TPCN1: variants seen among roughly 807,000 people sequenced by gnomAD.
TPCN1 encodes the protein two pore segment channel 1, also known as two pore channel protein 1.
A neutral mutation model predicts 108.8 loss-of-function variants in TPCN1; 52 were observed. The observed-to-expected ratio is 0.48, with a 90% CI of 0.38 to 0.60. TPCN1 has a LOEUF of 0.60. TPCN1 is among the 20% of genes least tolerant of loss of function. The pLI, the probability that TPCN1 is intolerant of heterozygous loss-of-function variation, is 0.00. For missense variants in TPCN1, 806 were observed against 1,072.8 expected (o/e 0.75, Z 3.47); for synonymous variants, 446 against 433.7 (o/e 1.03, Z -0.35).
chr12:113,245,763 G>A (rs1954355638), intron 2 of TPCN1: 1 of 351,646 alleles, frequency 2.8e-6, no homozygotes. Flanking sequence ...AGGCCCCAGT[G>A]GTTTACGCAG....
intron 27 of TPCN1, chr12:113,294,371 A>T (rs1956362461): frequency 6.6e-6 from 1 of 152,176 alleles, no homozygotes; most frequent in Non-Finnish European, 1.5e-5. Context: ...TCATGCCTGT[A>T]ATCCCAGCAC....
intron 10 of TPCN1, among the ~76,000 whole-genome samples, chr12:113,274,204 G>A (rs967861652): frequency 6.6e-6 from 1 of 152,184 alleles, no homozygotes; most frequent in African/African-American, 2.4e-5. Context: ...TGTAATCCCA[G>A]CATTTTGGGA....
intron 19 of TPCN1, among the ~76,000 whole-genome samples, chr12:113,287,775 C>T (rs994572381): frequency 6.6e-6 from 1 of 152,062 alleles, no homozygotes; most frequent in African/African-American, 2.4e-5. Flanking sequence ...CTCCGTCCCG[C>T]CCCCTGCCAC....
At chr12:113,274,025 CCA>C (rs1323752402) in intron 10 of TPCN1, among the ~76,000 whole-genome samples, 6 of 152,184 alleles carry the variant, frequency 3.9e-5, no homozygotes, top group African/African-American at 1.4e-4. Flanking sequence ...GTACAAAGAT[CCA>C]CAGATGTTCA....
At chr12:113,293,969 C>A (rs2136782589) in intron 27 of TPCN1, 1 of 153,154 alleles carries the variant, frequency 6.5e-6, no homozygotes, top group East Asian at 1.9e-4. Flanking sequence ...TCCCGAGTAG[C>A]TGGGATTACA....
intron 2 of TPCN1, among the ~76,000 whole-genome samples, chr12:113,244,902 G>A (rs959812589): frequency 6.6e-5 from 10 of 152,228 alleles, no homozygotes; most frequent in South Asian, 2.1e-4. Context: ...GTTCTGTTTC[G>A]TCTCACAGAG....
In TPCN1 at chr12:113,288,222, C is replaced by T. The variant is rs780943356; in HGVS notation, c.1694C>T (p.Pro565Leu). 1.2e-6 allele frequency: 2 copies of T among 1,613,874 alleles called. No homozygotes were observed. Among genetic ancestry groups the T allele is most frequent in the African/African-American group, 1.3e-5 (1 of 75,058 alleles). ...NVLDTMFELL[P>L]RMASLGLTLL... ...CTGGACACCATGTTCGAGCTGCTGC[C>T]CCGGATGGCCAGGTACTGCCAGCCC... Residue 565 changes from proline (P) to leucine (L), a missense_variant, in exon 20 of 28, where the codon CCC becomes CTC. By Grantham distance (98) the Pro-to-Leu change is moderately conservative. Coordinates refer to ENST00000335509, the MANE Select transcript of TPCN1 (RefSeq NM_017901.6). The surrounding 1 kb of genome is among the most constrained non-coding windows in gnomAD (Gnocchi z 4.8).
At chr12:113,251,723 A>C (rs1272593799) in intron 2 of TPCN1, among the ~76,000 whole-genome samples, 1 of 152,226 alleles carries the variant, frequency 6.6e-6, no homozygotes, top group Non-Finnish European at 1.5e-5. Flanking sequence ...AGGGAGAGGG[A>C]TGTAGCAGCA....
At chr12:113,235,689 G>C (rs1029136011) in intron 2 of TPCN1, among the ~76,000 whole-genome samples, 6 of 152,152 alleles carry the variant, frequency 3.9e-5, no homozygotes, top group Non-Finnish European at 7.3e-5. Flanking sequence ...TGGTCTGGTT[G>C]GCAGTGAGAT....
At chr12:113,270,525 G>A (rs1377319138) in intron 7 of TPCN1, among the ~76,000 whole-genome samples, 1 of 151,154 alleles carries the variant, frequency 6.6e-6, no homozygotes, top group Non-Finnish European at 1.5e-5. Flanking sequence ...CTGTCACCCA[G>A]GCTGGAGTGC....
intron 3 of TPCN1, among the ~76,000 whole-genome samples, chr12:113,262,630 C>T (rs113202887): frequency 4.6e-5 from 7 of 152,178 alleles, no homozygotes; most frequent in African/African-American, 9.6e-5. Flanking sequence ...TCTCTGAGGC[C>T]GGATAAGAGC....
At chr12:113,238,224 A>G (rs1010420326) in intron 2 of TPCN1, among the ~76,000 whole-genome samples, 1 of 152,204 alleles carries the variant, frequency 6.6e-6, no homozygotes, top group African/African-American at 2.4e-5. Context: ...TGGATGACAA[A>G]TTATTAAAAA....
At position 113,272,556 on chromosome 12, in the gene TPCN1, A is replaced by C. The variant is rs878900932; in HGVS notation, c.749-102A>C. The C allele has an allele frequency of 1.9e-6, 2 of 1,076,476 alleles. No individual in the cohort carries two copies. The highest frequency in any genetic ancestry group is 3.1e-5 in the African/African-American group (2 of 64,082). 66.7% of individuals were successfully genotyped at this position (1,076,476 alleles called of 1,614,324 possible). ...CCAGCAGTCCCTGCTGCTCTTCCTGACCTGCTGCGTTCATTTGCATGTATT... is the reference window on the plus strand; with the variant it reads ...CCAGCAGTCCCTGCTGCTCTTCCTGCCCTGCTGCGTTCATTTGCATGTATT... On this transcript the variant is annotated intron_variant, in intron 7 of 27. Coordinates refer to ENST00000335509, the MANE Select transcript of TPCN1 (RefSeq NM_017901.6). The surrounding 1 kb of genome is among the most constrained non-coding windows in gnomAD (Gnocchi z 4.1).
At chr12:113,248,829 C>T (rs1323086974) in intron 2 of TPCN1, among the ~76,000 whole-genome samples, 7 of 152,162 alleles carry the variant, frequency 4.6e-5, no homozygotes, top group Non-Finnish European at 8.8e-5. Flanking sequence ...AACACACACA[C>T]GCACACACAC....
At chr12:113,294,617 ACT>A (rs1280073004) in intron 27 of TPCN1, among the ~76,000 whole-genome samples, 2 of 140,664 alleles carry the variant, frequency 1.4e-5, no homozygotes, top group Non-Finnish European at 1.5e-5. Context: ...ACAGAGCTAG[ACT>A]CTGTCTCAAA....
In TPCN1 at chr12:113,288,955, G is replaced by A; in HGVS notation, c.1796+108G>A. The A allele has an allele frequency of 1.8e-6, 2 of 1,116,038 alleles. No individual in the cohort carries two copies. The highest frequency in any genetic ancestry group is 2.7e-6 in the Non-Finnish European group (2 of 745,204). 69.1% of individuals were successfully genotyped at this position (1,116,038 alleles called of 1,614,324 possible). A position where few individuals can be genotyped will look rare whatever the true frequency, so the allele number is the denominator to read the frequency against. Reference sequence around the variant, plus strand: ...CCTTGGGGTCCTCGGGGATGTTCCTGTCTAAGCAACCACCTTGCTTTGCTT... The same window carrying A: ...CCTTGGGGTCCTCGGGGATGTTCCTATCTAAGCAACCACCTTGCTTTGCTT... On this transcript the variant is annotated intron_variant, in intron 21 of 27. Transcript: ENST00000335509. This position sits in a 1 kb window ranked among gnomAD's most constrained non-coding sequence, Gnocchi z 4.8.
Position 113,296,484 on chromosome 12 carries a change from C to A in TPCN1, c.*408C>A. 1 of 182,216 alleles carries A rather than the reference C, an allele frequency of 5.5e-6. No individual in the cohort carries two copies. The highest frequency in any genetic ancestry group is 1.7e-4 in the South Asian group (1 of 5,800). 11.3% of individuals were successfully genotyped at this position (182,216 alleles called of 1,614,324 possible). A position where few individuals can be genotyped will look rare whatever the true frequency, so the allele number is the denominator to read the frequency against. Reference sequence around the variant, plus strand: ...CCTGATGGCGTGCCCGCCCCCTCTCCCTGCGGCCCATGCCACAGGTTTCTG... The same window carrying A: ...CCTGATGGCGTGCCCGCCCCCTCTCACTGCGGCCCATGCCACAGGTTTCTG... On this transcript the variant is annotated 3_prime_UTR_variant, in exon 28 of 28. Transcript: ENST00000335509.
intron 14 of TPCN1, 35 bp downstream of exon 14, chr12:113,278,870 T>TG (rs773206439): frequency 2.5e-6 from 4 of 1,599,946 alleles, no homozygotes; most frequent in Non-Finnish European, 1.7e-6. Flanking sequence ...TGTTGGCAGC[T>TG]GGGGGCCGAT....
intron 2 of TPCN1, among the ~76,000 whole-genome samples, chr12:113,256,775 C>A (rs1954843978): frequency 6.6e-6 from 1 of 152,128 alleles, no homozygotes; most frequent in Admixed American, 6.5e-5. Context: ...CTCAAGTGAT[C>A]CTCCCCACCT....
Sources: allele counts gnomAD v4.1 joint callset (sites outside exome capture counted in the v4.1 genomes callset), GRCh38; gene constraint gnomAD v4.1.1; non-coding constraint Gnocchi (gnomAD v3.1); transcripts MANE v1.5; gene names NCBI Gene and HGNC (gene_info 2026-07-23, HGNC 2026-07-21).